Variants in SEC24A observed in about 807,000 individuals in gnomAD.
SEC24A encodes the protein SEC24 homolog A, COPII component, also known as protein transport protein Sec24A.
SEC24A carries 93 observed loss-of-function variants against 129.4 expected under a neutral mutation model. The ratio of observed to expected loss-of-function variants is 0.72; its 90% CI spans 0.61 to 0.85. SEC24A has a LOEUF of 0.85. Ranked by LOEUF, SEC24A falls within the 40% of genes least tolerant of loss-of-function variation. The pLI, the probability that SEC24A is intolerant of heterozygous loss-of-function variation, is 0.00. For synonymous variants in SEC24A, 460 were observed against 467.3 expected (o/e 0.98, Z 0.20); for missense variants, 1,264 against 1,307.4 (o/e 0.97, Z 0.51).
intron 2 of SEC24A, among the ~76,000 whole-genome samples, chr5:134,664,855 G>A (rs544481669): frequency 1.1e-4 from 14 of 128,472 alleles, no homozygotes; most frequent in Non-Finnish European, 1.9e-4. Flanking sequence ...CTAGAGTGCA[G>A]TGGCGCAATC....
intron 1 of SEC24A, among the ~76,000 whole-genome samples, chr5:134,660,361 G>A (rs1750409463): frequency 6.6e-6 from 1 of 152,024 alleles, no homozygotes; most frequent in African/African-American, 2.4e-5. Flanking sequence ...GTAAAGTGCT[G>A]TCTCAATCAA....
chr5:134,656,348 G>A (rs1028032634), intron 1 of SEC24A, among the ~76,000 whole-genome samples: 1 of 151,950 alleles, frequency 6.6e-6, no homozygotes, highest in Admixed American at 6.6e-5. Flanking sequence ...AAAGTGCTGG[G>A]ATTACAGGCC....
intron 4 of SEC24A, among the ~76,000 whole-genome samples, chr5:134,673,095 G>A (rs564208997): frequency 3.1e-4 from 41 of 133,390 alleles, no homozygotes; most frequent in Non-Finnish European, 5.4e-4. Context: ...TTGCTGTGTC[G>A]CCCAGATTGG....
At chr5:134,649,561 G>T (rs1749979693) in intron 1 of SEC24A, among the ~76,000 whole-genome samples, 1 of 152,116 alleles carries the variant, frequency 6.6e-6, no homozygotes, top group Non-Finnish European at 1.5e-5. Flanking sequence ...GGTTCCGCAG[G>T]CCCTGAAGTG....
chr5:134,661,189 A>G lies in SEC24A; in HGVS notation c.168A>G (p.Gly56=). The G allele has an allele frequency of 6.2e-7, 1 of 1,614,114 alleles. No individual in the cohort carries two copies. ...VSQGYNFQLP[G]SYPHPIPAKT... is the part of the protein sequence containing the mutation. The stretch of plus-strand genomic sequence containing the variant: ...AAGGATACAATTTCCAGCTTCCAGG[A>G]TCCTACCCTCATCCAATACCAGCAA... The change falls in exon 2 of 23, where the codon GGA becomes GGG. Residue 56 remains glycine, a synonymous_variant. Coordinates refer to ENST00000398844, the MANE Select transcript of SEC24A (RefSeq NM_021982.3).
chr5:134,686,025 AG>A (rs1401063584), intron 9 of SEC24A, among the ~76,000 whole-genome samples: 1 of 152,094 alleles, frequency 6.6e-6, no homozygotes, highest in Non-Finnish European at 1.5e-5. Context: ...TGTTTTTATG[AG>A]ATTTGGCTGT....
Position 134,648,813 on chromosome 5 carries a change from T to G in SEC24A, c.-264T>G, listed in dbSNP as rs1749944007. On this transcript the variant is annotated 5_prime_UTR_variant, in exon 1 of 23. Transcript: ENST00000398844. Reference sequence around the variant, plus strand: ...TCCGGCCAGGGCCTCCCTCCTTCTCTCTAGGTTTGGCTGCCGCCTTCTAGC... The same window carrying G: ...TCCGGCCAGGGCCTCCCTCCTTCTCGCTAGGTTTGGCTGCCGCCTTCTAGC... 3.0e-6 allele frequency: 1 copy of G among 332,240 alleles called. No homozygotes were observed. 20.6% of individuals were successfully genotyped at this position (332,240 alleles called of 1,614,324 possible).
intron 3 of SEC24A, among the ~76,000 whole-genome samples, chr5:134,670,368 A>G (rs563535184): frequency 2.6e-5 from 4 of 152,228 alleles, no homozygotes; most frequent in Admixed American, 6.5e-5. Flanking sequence ...CTGACTTTAA[A>G]CCATTAAATG....
intron 12 of SEC24A, chr5:134,693,170 A>G: frequency 1.3e-6 from 2 of 1,534,180 alleles, no homozygotes; most frequent in Non-Finnish European, 1.7e-6. Flanking sequence ...CCGTAGGGGT[A>G]ACATTTTAAC....
At chr5:134,683,233 C>T (rs1751335495) in intron 9 of SEC24A, among the ~76,000 whole-genome samples, 1 of 151,734 alleles carries the variant, frequency 6.6e-6, no homozygotes. Flanking sequence ...GTTGGTCAGG[C>T]TGGTCTCAAA....
chr5:134,712,711 G>A (rs532778275), intron 18 of SEC24A, among the ~76,000 whole-genome samples: 5 of 149,208 alleles, frequency 3.4e-5, no homozygotes, highest in African/African-American at 7.4e-5. Context: ...CTCCGCCTCC[G>A]GGGTTCAAGT....
intron 19 of SEC24A, among the ~76,000 whole-genome samples, chr5:134,715,776 C>G (rs986889055): frequency 1.3e-5 from 2 of 149,094 alleles, no homozygotes; most frequent in Non-Finnish European, 3.0e-5. Flanking sequence ...ATGGGTGCAG[C>G]AAAACACCAT....
At chr5:134,684,831 T>C (rs559138536) in intron 9 of SEC24A, among the ~76,000 whole-genome samples, 1 of 152,312 alleles carries the variant, frequency 6.6e-6, no homozygotes, top group African/African-American at 2.4e-5. Context: ...CACTTGTTCT[T>C]TTAAATTTAC....
intron 18 of SEC24A, among the ~76,000 whole-genome samples, chr5:134,710,584 T>C (rs1752295636): frequency 6.6e-6 from 1 of 152,170 alleles, no homozygotes; most frequent in African/African-American, 2.4e-5. Flanking sequence ...GCATACCTGT[T>C]TCCATGATCT....
chr5:134,652,441 A>G (rs1750088966), intron 1 of SEC24A, among the ~76,000 whole-genome samples: 1 of 149,846 alleles, frequency 6.7e-6, no homozygotes, highest in Non-Finnish European at 1.5e-5. Context: ...ATGCGCCACT[A>G]TGTCTAGCTA....
chr5:134,719,081 C>CAAA lies in SEC24A; in HGVS notation c.2970+912_2970+914dup, dbSNP rs1462710647. Among the ~76,000 whole-genome samples, 3 of 151,882 alleles carry CAAA rather than the reference C, an allele frequency of 2.0e-5. 1 individual carries two copies. The highest frequency in any genetic ancestry group is 4.8e-5 in the African/African-American group (2 of 41,368). On this transcript the variant is annotated intron_variant, in intron 20 of 22. Coordinates refer to ENST00000398844, the MANE Select transcript of SEC24A (RefSeq NM_021982.3). ...AAGCTAAGTGTTATTACAAAAGAGT[C>CAAA]AAAAAATTAAAATAATTTGTCCGGG... is the stretch of plus-strand genomic sequence containing the variant.
At chr5:134,712,412 A>G (rs1752354692) in intron 18 of SEC24A, among the ~76,000 whole-genome samples, 1 of 148,752 alleles carries the variant, frequency 6.7e-6, no homozygotes. Flanking sequence ...CACCATGCCC[A>G]GCTAATTTTT....
intron 16 of SEC24A, among the ~76,000 whole-genome samples, 198 bp downstream of exon 16, chr5:134,704,130 C>T (rs546352320): frequency 1.5e-4 from 23 of 152,064 alleles, no homozygotes; most frequent in South Asian, 1.0e-3. Flanking sequence ...AGTGCAGTGG[C>T]GCAGTCTCTG....
At chr5:134,719,557 G>T (rs549515143) in intron 20 of SEC24A, among the ~76,000 whole-genome samples, 1 of 151,444 alleles carries the variant, frequency 6.6e-6, no homozygotes, top group African/African-American at 2.4e-5. Flanking sequence ...GCGTGGTCAC[G>T]TGCACCTGTA....
Sources: gnomAD v4.1 joint callset for allele counts (sites outside exome capture counted in the v4.1 genomes callset) on GRCh38, gnomAD v4.1.1 for gene constraint, MANE v1.5 for transcripts, NCBI Gene and HGNC (gene_info 2026-07-23, HGNC 2026-07-21) for gene names.